CHN1: variants seen among roughly 807,000 people sequenced by gnomAD.
CHN1 encodes the protein N-chimaerin.
A neutral mutation model predicts 59.5 loss-of-function variants in CHN1; 37 were observed. That is an observed-to-expected ratio of 0.62 (90% CI 0.48 to 0.82). CHN1 has a LOEUF of 0.82. CHN1 is among the 40% of genes least tolerant of loss of function. The pLI, the probability that CHN1 is intolerant of heterozygous loss-of-function variation, is 0.00. For synonymous variants in CHN1, 206 were observed against 200.4 expected (o/e 1.03, Z -0.24); for missense variants, 469 against 571.0 (o/e 0.82, Z 1.82).
chr2:174,919,764 C>CTTT (rs922113528), intron 3 of CHN1, among the ~76,000 whole-genome samples: 1 of 144,732 alleles, frequency 6.9e-6, no homozygotes. Context: ...ACTTCACATA[C>CTTT]TTTTTTTTTT....
intron 1 of CHN1, among the ~76,000 whole-genome samples, chr2:174,952,769 A>C (rs1421294253): frequency 6.6e-6 from 1 of 152,260 alleles, no homozygotes; most frequent in Non-Finnish European, 1.5e-5. Flanking sequence ...CTTCAATGGA[A>C]GAGAGTGTAT....
At chr2:174,806,520 T>G (rs544185143) in intron 11 of CHN1, among the ~76,000 whole-genome samples, 7 of 152,288 alleles carry the variant, frequency 4.6e-5, no homozygotes, top group African/African-American at 1.7e-4. Flanking sequence ...CTTCTTCCCT[T>G]GTGTAAGTCT....
chr2:174,967,857 C>T (rs1690642224), intron 1 of CHN1, among the ~76,000 whole-genome samples: 1 of 152,194 alleles, frequency 6.6e-6, no homozygotes, highest in Non-Finnish European at 1.5e-5. Context: ...ATGCTTTCCC[C>T]ATACTCCAAC....
intron 7 of CHN1, chr2:174,846,495 T>A: frequency 7.0e-7 from 1 of 1,429,336 alleles, no homozygotes; most frequent in Admixed American, 3.1e-5. Context: ...GCCTCTTATA[T>A]CCAAAGCTTT....
chr2:174,990,038 A>C (rs138673805), intron 1 of CHN1, among the ~76,000 whole-genome samples: 4 of 152,300 alleles, frequency 2.6e-5, no homozygotes, highest in African/African-American at 9.6e-5. Context: ...TCTGAAGATC[A>C]ATTATTATAC....
chr2:174,994,335 G>A (rs1691638699), intron 1 of CHN1, among the ~76,000 whole-genome samples: 1 of 152,120 alleles, frequency 6.6e-6, no homozygotes, highest in Non-Finnish European at 1.5e-5. Context: ...TTTTAAAAAT[G>A]CACAGAAAAT....
chr2:174,902,771 T>G (rs2105358003), intron 5 of CHN1, among the ~76,000 whole-genome samples: 1 of 152,296 alleles, frequency 6.6e-6, no homozygotes, highest in Admixed American at 6.5e-5. Flanking sequence ...TTGATCCTTC[T>G]TCTTTAACAT....
intron 8 of CHN1, among the ~76,000 whole-genome samples, chr2:174,821,987 A>G (rs924950253): frequency 2.0e-5 from 3 of 152,076 alleles, no homozygotes; most frequent in African/African-American, 4.8e-5. Context: ...GCTAGTGTGC[A>G]CTCTCTCTTT....
At chr2:174,817,464 A>ATT (rs776503923) in intron 8 of CHN1, among the ~76,000 whole-genome samples, 18 of 139,856 alleles carry the variant, frequency 1.3e-4, no homozygotes, top group South Asian at 2.3e-4. Context: ...TCATCCCCCA[A>ATT]TTTTTTTTTT....
intron 11 of CHN1, among the ~76,000 whole-genome samples, chr2:174,806,979 A>C (rs1684904740): frequency 1.3e-5 from 2 of 152,242 alleles, no homozygotes; most frequent in African/African-American, 4.8e-5. Flanking sequence ...TGAAATTATA[A>C]GGAGAAATTT....
intron 7 of CHN1, among the ~76,000 whole-genome samples, chr2:174,829,736 G>A (rs1409874582): frequency 3.9e-5 from 6 of 152,306 alleles, no homozygotes. Flanking sequence ...CATTTCAGCT[G>A]CAGCTTCTCA....
intron 6 of CHN1, among the ~76,000 whole-genome samples, chr2:174,860,310 C>T (rs2646158): frequency 0.049 from 7,431 of 152,042 alleles, 593 homozygotes; most frequent in African/African-American, 0.17. Context: ...AACAATTAAA[C>T]AAGTCTTAAA....
chr2:174,947,836 T>C (rs748440280), intron 2 of CHN1, among the ~76,000 whole-genome samples: 2 of 152,138 alleles, frequency 1.3e-5, no homozygotes, highest in African/African-American at 4.8e-5. Flanking sequence ...AAAAAACACC[T>C]ATCAAAAAGA....
chr2:174,835,066 C>T (rs1006170458), intron 7 of CHN1, among the ~76,000 whole-genome samples: 1 of 152,072 alleles, frequency 6.6e-6, no homozygotes, highest in Non-Finnish European at 1.5e-5. Flanking sequence ...AATAAACCCA[C>T]CATAAGTTGA....
rs1195710763 is a variant in CHN1 at position 174,945,076 on chromosome 2, GA to G, written c.59-134del. The G allele has an allele frequency of 4.4e-5, 27 of 619,934 alleles. No individual in the cohort carries two copies. The Middle Eastern group carries it at 9.3e-4, about 21-fold the overall frequency. The allele number at this position is 619,934 out of a possible 1,614,324, so 38.4% of individuals were successfully genotyped here. A position where few individuals can be genotyped will look rare whatever the true frequency, so the allele number is the denominator to read the frequency against. ...AACCTTATTTACTAAATTGTGTTAT[GA>G]ACAAAACAAAAAAAGTAAACAAAAC... is the stretch of plus-strand genomic sequence containing the variant. On this transcript the variant is annotated intron_variant, in intron 2 of 12. Coordinates refer to ENST00000409900, the MANE Select transcript of CHN1 (RefSeq NM_001822.7).
intron 1 of CHN1, among the ~76,000 whole-genome samples, chr2:174,964,117 G>C (rs1162914720): frequency 6.6e-6 from 1 of 152,176 alleles, no homozygotes; most frequent in Non-Finnish European, 1.5e-5. Flanking sequence ...CAGGGAGAGA[G>C]AGGATGAAAG....
chr2:174,877,850 G>C lies in CHN1; in HGVS notation c.539C>G (p.Ser180Ter). 1 of 1,611,180 alleles carries C rather than the reference G, an allele frequency of 6.2e-7. No individual in the cohort carries two copies. The highest frequency in any genetic ancestry group is 8.5e-7 in the Non-Finnish European group (1 of 1,178,354). Reference protein sequence around the residue: ...ERDSTGQDGVSEKRLTSLVRR... With the variant: ...ERDSTGQDGV ...TTCATAGTAGCTTACCCTTTTCTCT[G>C]ACACCCCATCCTGGCCTGTAGAATC... The change falls in exon 6 of 13, where the codon TCA becomes TGA. Residue 180 changes from serine (S) to a stop codon, truncating the protein, a stop_gained. Coordinates refer to ENST00000409900, the MANE Select transcript of CHN1 (RefSeq NM_001822.7). LOFTEE classifies it high-confidence loss of function.
intron 3 of CHN1, chr2:174,920,954 G>A (rs887922019): frequency 2.3e-6 from 1 of 429,112 alleles, no homozygotes; most frequent in Non-Finnish European, 4.8e-6. Flanking sequence ...ATCAAGCATT[G>A]GATTCTCATA....
intron 1 of CHN1, among the ~76,000 whole-genome samples, chr2:174,966,713 C>T (rs1379570538): frequency 2.6e-5 from 4 of 152,192 alleles, no homozygotes; most frequent in African/African-American, 9.7e-5. Flanking sequence ...CTCCAACCTA[C>T]TAATTCTTCT....
Sources: gnomAD v4.1 joint callset for allele counts (sites outside exome capture counted in the v4.1 genomes callset) on GRCh38, gnomAD v4.1.1 for gene constraint, MANE v1.5 for transcripts, NCBI Gene and HGNC (gene_info 2026-07-23, HGNC 2026-07-21) for gene names.